Variants in FBXW7 observed in about 807,000 individuals in gnomAD.
The protein encoded by FBXW7 is F-box/WD repeat-containing protein 7.
FBXW7 carries 11 observed loss-of-function variants against 86.3 expected under a neutral mutation model. The observed-to-expected ratio is 0.13, with a 90% CI of 0.08 to 0.21. The LOEUF (loss-of-function observed/expected upper bound fraction) is 0.21, where lower values mean the gene tolerates loss of function less well. Among genes scored for constraint, FBXW7 ranks in the 10% least tolerant of loss-of-function variants. FBXW7 has a pLI of 1.00. For synonymous variants in FBXW7, 313 were observed against 297.9 expected (o/e 1.05, Z -0.52); for missense variants, 488 against 847.4 (o/e 0.58, Z 5.27).
intron 4 of FBXW7, chr4:152,353,046 G>T: frequency 8.8e-7 from 1 of 1,140,760 alleles, no homozygotes; most frequent in Non-Finnish European, 1.1e-6. Context: ...ACTTTCAAGA[G>T]GTTATTTTTG....
At chr4:152,360,957 TCTTA>T (rs1301285582) in intron 4 of FBXW7, among the ~76,000 whole-genome samples, 3 of 151,840 alleles carry the variant, frequency 2.0e-5, no homozygotes, top group East Asian at 3.9e-4. Context: ...TCATCAAGCA[TCTTA>T]CTAATTTTCC....
intron 4 of FBXW7, among the ~76,000 whole-genome samples, chr4:152,386,871 C>A (rs1202432941): frequency 6.6e-6 from 1 of 152,116 alleles, no homozygotes; most frequent in Non-Finnish European, 1.5e-5. Flanking sequence ...TAAAATATCA[C>A]CAATACGGTA....
chr4:152,355,742 C>T (rs933984088), intron 4 of FBXW7, among the ~76,000 whole-genome samples: 3 of 152,072 alleles, frequency 2.0e-5, no homozygotes, highest in African/African-American at 7.2e-5. Flanking sequence ...CTCATCACAA[C>T]TCCACTGTGC....
chr4:152,467,706 G>A (rs1278602576), intron 2 of FBXW7, among the ~76,000 whole-genome samples: 1 of 152,108 alleles, frequency 6.6e-6, no homozygotes, highest in Non-Finnish European at 1.5e-5. Flanking sequence ...CTTTTTCGTA[G>A]TCCTATGACG....
chr4:152,535,649 C>T lies in FBXW7; in HGVS notation c.-735G>A, dbSNP rs1750477025. On this transcript the variant is annotated 5_prime_UTR_variant, in exon 1 of 14. Transcript: ENST00000281708. ...CCCCGCTCCCGGCTCCCGCATGTGT[C>T]GCTGCGGCTGGGACCCCCCTCCCTA... 2.5e-6 allele frequency: 1 copy of T among 396,550 alleles called. No homozygotes were observed. 24.6% of individuals were successfully genotyped at this position (396,550 alleles called of 1,614,324 possible).
chr4:152,498,062 G>A (rs1320730273), intron 2 of FBXW7, among the ~76,000 whole-genome samples: 1 of 152,190 alleles, frequency 6.6e-6, no homozygotes, highest in Non-Finnish European at 1.5e-5. Context: ...GTATGGGGAG[G>A]GAAGAACTTT....
chr4:152,418,536 TG>T (rs1473823349), intron 2 of FBXW7, among the ~76,000 whole-genome samples: 2 of 152,174 alleles, frequency 1.3e-5, no homozygotes, highest in Non-Finnish European at 2.9e-5. Context: ...TTCCTTCACT[TG>T]AACACAAGTG....
chr4:152,378,334 C>T (rs370648134), intron 4 of FBXW7, among the ~76,000 whole-genome samples: 1 of 152,026 alleles, frequency 6.6e-6, no homozygotes, highest in East Asian at 1.9e-4. Context: ...CTACTGGAAA[C>T]GTCAGTTGTA....
intron 4 of FBXW7, among the ~76,000 whole-genome samples, chr4:152,406,311 T>C (rs1737419277): frequency 6.6e-6 from 1 of 152,090 alleles, no homozygotes; most frequent in Non-Finnish European, 1.5e-5. Context: ...AAAATACTTT[T>C]TGAGCTGGGC....
intron 2 of FBXW7, among the ~76,000 whole-genome samples, chr4:152,459,325 T>G (rs999393949): frequency 6.6e-6 from 1 of 152,184 alleles, no homozygotes; most frequent in Non-Finnish European, 1.5e-5. Context: ...GAGTACCCAT[T>G]TTTACACTAG....
chr4:152,355,035 T>C (rs368035866), intron 4 of FBXW7, among the ~76,000 whole-genome samples: 3 of 152,132 alleles, frequency 2.0e-5, no homozygotes, highest in African/African-American at 7.2e-5. Context: ...TAATTTGAAC[T>C]GTGAAGAATC....
intron 2 of FBXW7, among the ~76,000 whole-genome samples, chr4:152,457,255 T>G (rs1742495557): frequency 6.6e-6 from 1 of 152,150 alleles, no homozygotes; most frequent in Admixed American, 6.5e-5. Flanking sequence ...AAGAGGCTTT[T>G]AAGGGTGATG....
rs983455661 is a variant in FBXW7 at position 152,321,493 on chromosome 4, C to G, written c.*1388G>C. ...TCGCCTAGGATACAGTGTTAAACCA[C>G]TTTCACAGTTCAGCTTGAGTTGTGG... On this transcript the variant is annotated 3_prime_UTR_variant, in exon 14 of 14. Coordinates refer to ENST00000281708, the MANE Select transcript of FBXW7 (RefSeq NM_001349798.2). 1 of 232,992 alleles carries G rather than the reference C, an allele frequency of 4.3e-6. No individual in the cohort carries two copies. The highest frequency in any genetic ancestry group is 8.5e-6 in the Non-Finnish European group (1 of 117,700). The allele number at this position is 232,992 out of a possible 1,614,324, so 14.4% of individuals were successfully genotyped here. A position where few individuals can be genotyped will look rare whatever the true frequency, so the allele number is the denominator to read the frequency against.
At chr4:152,507,890 G>A (rs935329882) in intron 2 of FBXW7, among the ~76,000 whole-genome samples, 5 of 150,284 alleles carry the variant, frequency 3.3e-5, no homozygotes, top group African/African-American at 1.2e-4. Context: ...TGTCTCTATT[G>A]GAGAAAAAAA....
chr4:152,400,221 C>T (rs887283139), intron 4 of FBXW7, among the ~76,000 whole-genome samples: 2 of 152,114 alleles, frequency 1.3e-5, no homozygotes, highest in Non-Finnish European at 2.9e-5. Flanking sequence ...GCTGAACCAC[C>T]GAACATCCAC....
intron 2 of FBXW7, among the ~76,000 whole-genome samples, chr4:152,475,251 A>T (rs1744291055): frequency 6.6e-6 from 1 of 151,624 alleles, no homozygotes; most frequent in African/African-American, 2.4e-5. Flanking sequence ...ACACAGCAAG[A>T]CCTCATCTCC....
intron 4 of FBXW7, among the ~76,000 whole-genome samples, chr4:152,409,961 T>C (rs548767111): frequency 1.3e-5 from 2 of 152,284 alleles, no homozygotes; most frequent in East Asian, 1.9e-4. Context: ...AAATTTTACA[T>C]CTTGAAGGTA....
chr4:152,390,813 AT>A (rs1454539231), intron 4 of FBXW7, among the ~76,000 whole-genome samples: 6 of 152,040 alleles, frequency 3.9e-5, no homozygotes, highest in Admixed American at 1.3e-4. Flanking sequence ...GACTAAGGAA[AT>A]AATACTAATA....
intron 2 of FBXW7, among the ~76,000 whole-genome samples, chr4:152,437,333 C>T (rs951148399): frequency 5.9e-5 from 9 of 151,476 alleles, no homozygotes; most frequent in Non-Finnish European, 1.0e-4. Flanking sequence ...TGACTGAGAT[C>T]GTGCCACTGC....
Sources: allele counts gnomAD v4.1 joint callset (sites outside exome capture counted in the v4.1 genomes callset), GRCh38; gene constraint gnomAD v4.1.1; transcripts MANE v1.5; gene names NCBI Gene and HGNC (gene_info 2026-07-23, HGNC 2026-07-21).